Variants in FBXO31 observed in about 807,000 individuals in gnomAD.
FBXO31 encodes F-box protein 31.
In FBXO31, 24 loss-of-function variants were observed where a neutral mutation model predicts 54.4. That is an observed-to-expected ratio of 0.44 (90% CI 0.32 to 0.62). FBXO31 has a LOEUF of 0.62. FBXO31 is among the 20% of genes least tolerant of loss of function. FBXO31 has a pLI of 0.05. For missense variants in FBXO31, 665 were observed against 787.1 expected (o/e 0.84, Z 1.86); for synonymous variants, 388 against 335.6 (o/e 1.16, Z -1.71).
intron 2 of FBXO31, among the ~76,000 whole-genome samples, chr16:87,351,126 C>G (rs541135309): frequency 6.6e-6 from 1 of 152,170 alleles, no homozygotes; most frequent in East Asian, 1.9e-4. Flanking sequence ...CAGACTTCCT[C>G]GTGGAATCGC....
intron 5 of FBXO31, among the ~76,000 whole-genome samples, chr16:87,340,099 A>G (rs930798833): frequency 3.3e-5 from 5 of 152,234 alleles, no homozygotes; most frequent in Non-Finnish European, 5.9e-5. Context: ...CCTGGCCAAC[A>G]TGGGGAAAAC....
chr16:87,363,494 C>T (rs1384087933), intron 1 of FBXO31, among the ~76,000 whole-genome samples: 1 of 152,164 alleles, frequency 6.6e-6, no homozygotes, highest in African/African-American at 2.4e-5. Flanking sequence ...CCAAGGAGGA[C>T]CAAGGACTGG....
intron 3 of FBXO31, among the ~76,000 whole-genome samples, chr16:87,344,796 A>G (rs1235498409): frequency 1.3e-5 from 2 of 152,202 alleles, no homozygotes; most frequent in African/African-American, 4.8e-5. Context: ...GCGACGCCCA[A>G]CACAACAAAC....
rs748068033 is a variant in FBXO31, at chr16:87,343,583, C to A, written c.657+15G>T. On this transcript the variant is annotated intron_variant, in intron 4 of 8. Transcript: ENST00000311635. ...CCCTGGGACAGTGAGGACCCAGCCC[C>A]GCCGCTGCACACACCTGGATGTGGC... 1 of 1,586,974 alleles carries A rather than the reference C, an allele frequency of 6.3e-7. No individual in the cohort carries two copies. The highest frequency in any genetic ancestry group is 8.6e-7 in the Non-Finnish European group (1 of 1,167,122).
At chr16:87,384,959 G>A (rs1041196098), upstream of FBXO31, among the ~76,000 whole-genome samples, 2 of 151,640 alleles carry the variant, frequency 1.3e-5, no homozygotes, top group African/African-American at 4.9e-5. Flanking sequence ...TGCATCACCT[G>A]AGGTCAGGAG....
At chr16:87,342,804 T>TG in intron 5 of FBXO31, 73 bp downstream of exon 5, 3 of 1,319,098 alleles carry the variant, frequency 2.3e-6, no homozygotes, top group African/African-American at 1.5e-5. Context: ...CTCTCCCGCA[T>TG]GGGTCTGTAC....
intron 5 of FBXO31, among the ~76,000 whole-genome samples, chr16:87,339,108 T>C (rs1905117686): frequency 6.6e-6 from 1 of 152,212 alleles, no homozygotes; most frequent in African/African-American, 2.4e-5. Flanking sequence ...CCTTATAAAT[T>C]ACCCAGTCTT....
At chr16:87,379,693 T>G (rs1906988936) in intron 1 of FBXO31, among the ~76,000 whole-genome samples, 1 of 151,992 alleles carries the variant, frequency 6.6e-6, no homozygotes, top group African/African-American at 2.4e-5. Flanking sequence ...GACCCGGCAA[T>G]TCTCTTGCCT....
chr16:87,352,474 C>G (rs779750493), intron 2 of FBXO31, among the ~76,000 whole-genome samples: 5 of 152,026 alleles, frequency 3.3e-5, no homozygotes, highest in African/African-American at 4.8e-5. Context: ...TTGTTAATAT[C>G]TGGGTAAAGG....
chr16:87,368,977 T>C (rs1230686689), intron 1 of FBXO31, among the ~76,000 whole-genome samples: 1 of 152,116 alleles, frequency 6.6e-6, no homozygotes, highest in Non-Finnish European at 1.5e-5. Flanking sequence ...AATTTTTGTA[T>C]TTTTAGTAGT....
At chr16:87,347,306 G>A in intron 2 of FBXO31, 56 bp from the exon 3 acceptor site, 1 of 1,493,764 alleles carries the variant, frequency 6.7e-7, no homozygotes. Flanking sequence ...GCCGCAGGGA[G>A]CCCAGGAACC....
chr16:87,366,774 C>T (rs1017857918), intron 1 of FBXO31, among the ~76,000 whole-genome samples: 9 of 152,132 alleles, frequency 5.9e-5, no homozygotes, highest in African/African-American at 2.2e-4. Context: ...GCAGACGGGC[C>T]GGCTGCTGGG....
chr16:87,385,701 A>G (rs1421221408), upstream of FBXO31, among the ~76,000 whole-genome samples: 1 of 152,040 alleles, frequency 6.6e-6, no homozygotes, highest in Non-Finnish European at 1.5e-5. Context: ...ACTTGATGGG[A>G]GAATGTTCTA....
Position 87,346,022 on chromosome 16 carries a change from G to A in FBXO31, c.489+1152C>T, listed in dbSNP as rs1905370273. Among the ~76,000 whole-genome samples the A allele has an allele frequency of 6.6e-6, 1 of 152,248 alleles. No individual in the cohort carries two copies. The highest frequency in any genetic ancestry group is 1.5e-5 in the Non-Finnish European group (1 of 68,050). On this transcript the variant is annotated intron_variant, in intron 3 of 8. Coordinates refer to ENST00000311635, the MANE Select transcript of FBXO31 (RefSeq NM_024735.5). The surrounding 1 kb of genome is among the most constrained non-coding windows in gnomAD (Gnocchi z 4.2). ...GGTGGAGGAGGGAAGCAGAGTGGCT[G>A]CTGAGAGGAGAAGGGGCCAAGCGAA...
intron 3 of FBXO31, among the ~76,000 whole-genome samples, chr16:87,344,175 T>C (rs990927395): frequency 5.3e-5 from 8 of 152,238 alleles, no homozygotes; most frequent in Non-Finnish European, 1.2e-4. Flanking sequence ...CGTGTGCCAC[T>C]TTTGTCAGGT....
chr16:87,363,539 G>A, intron 1 of FBXO31, among the ~76,000 whole-genome samples: 1 of 152,188 alleles, frequency 6.6e-6, no homozygotes, highest in Non-Finnish European at 1.5e-5. Flanking sequence ...GTCAATGATA[G>A]AATAATAATG....
At chr16:87,333,780 CTG>C in intron 8 of FBXO31, 104 bp downstream of exon 8, 1 of 1,488,562 alleles carries the variant, frequency 6.7e-7, no homozygotes, top group South Asian at 1.4e-5. Flanking sequence ...CTGCCGCCCT[CTG>C]TGAGGTCACA....
In FBXO31 at chr16:87,327,388, G is replaced by A. The variant is rs1904683298; in HGVS notation, c.*3900C>T. The A allele has an allele frequency of 6.5e-6, 1 of 152,702 alleles. No individual in the cohort carries two copies. Among genetic ancestry groups the A allele is most frequent in the Admixed American group, 6.5e-5 (1 of 15,276 alleles). 9.5% of individuals were successfully genotyped at this position (152,702 alleles called of 1,614,324 possible). ...GACAGGCCCCAAGGCTGGGGCGCAG[G>A]GGCTCACGCCTGTAATCCCAGCACT... On this transcript the variant is annotated 3_prime_UTR_variant, in exon 9 of 9. Transcript: ENST00000311635.
rs1354564333 is a variant in FBXO31 at position 87,358,011 on chromosome 16, G to A, written c.412+2284C>T. 6.6e-6 allele frequency among the ~76,000 whole-genome samples: 1 copy of A among 152,074 alleles called. No homozygotes were observed. The highest frequency in any genetic ancestry group is 1.5e-5 in the Non-Finnish European group (1 of 68,016). On this transcript the variant is annotated intron_variant, in intron 2 of 8. Coordinates refer to ENST00000311635, the MANE Select transcript of FBXO31 (RefSeq NM_024735.5). The surrounding 1 kb of genome is among the most constrained non-coding windows in gnomAD (Gnocchi z 4.0). The stretch of plus-strand genomic sequence containing the variant: ...TAATTCACATAGGCTATTAAAATGT[G>A]ATTAAAACTAATAAAGGTCAGAAGT...
Sources: gnomAD v4.1 joint callset for allele counts (sites outside exome capture counted in the v4.1 genomes callset) on GRCh38, gnomAD v4.1.1 for gene constraint, Gnocchi (gnomAD v3.1) non-coding constraint, MANE v1.5 for transcripts, NCBI Gene and HGNC (gene_info 2026-07-23, HGNC 2026-07-21) for gene names.